The following PLXNA1 variants were observed in gnomAD, a reference collection of about 807,000 sequenced individuals.
The protein encoded by PLXNA1 is plexin A1, also known as plexin-A1.
In PLXNA1, 77 loss-of-function variants were observed where a neutral mutation model predicts 191.7. The observed-to-expected ratio is 0.40, with a 90% CI of 0.33 to 0.49. The LOEUF is 0.49. Ranked by LOEUF, PLXNA1 falls within the 20% of genes least tolerant of loss-of-function variation. The pLI is 0.63. For synonymous variants in PLXNA1, 1,137 were observed against 1,156.4 expected (o/e 0.98, Z 0.34); for missense variants, 2,110 against 2,660.2 (o/e 0.79, Z 4.55).
At chr3:126,985,059 G>A (rs1350041516) in intron 1 of PLXNA1, among the ~76,000 whole-genome samples, 1 of 152,180 alleles carries the variant, frequency 6.6e-6, no homozygotes, top group African/African-American at 2.4e-5. Flanking sequence ...GGGCAGGATG[G>A]CAGCCCCACA....
chr3:127,027,874 G>C (rs780624196), intron 23 of PLXNA1, 66 bp from the exon 24 acceptor site: 1 of 1,603,276 alleles, frequency 6.2e-7, no homozygotes, highest in East Asian at 2.2e-5. Flanking sequence ...CACTCGACGG[G>C]TGGAGGGGCA....
chr3:127,018,327 A>C lies in PLXNA1; in HGVS notation c.3694A>C (p.Thr1232Pro). Residue 1232 changes from threonine (T) to proline (P), a missense_variant, in exon 20 of 32, where the codon ACA becomes CCA. Physicochemically the swap from Thr to Pro is conservative, Grantham distance 38 (BLOSUM62 -1). Around this residue, in one of 4 missense-constraint regions of PLXNA1, gnomAD observed 644 missense variants for 714.3 expected, o/e 0.90. Transcript: ENST00000393409. ...AGGTGGCTTCGAGTTCTCGCCAGGG[A>C]CACTGCAGGTGTACTCGGACAGCCT... The part of the protein sequence containing the change: ...RAGGFEFSPG[T>P]LQVYSDSLLT... 1 of 1,611,758 alleles carries C rather than the reference A, an allele frequency of 6.2e-7. No homozygotes were observed. Among genetic ancestry groups the C allele is most frequent in the Non-Finnish European group, 8.5e-7 (1 of 1,179,436 alleles).
intron 1 of PLXNA1, among the ~76,000 whole-genome samples, chr3:126,988,179 G>C (rs552155197): frequency 1.3e-5 from 2 of 152,276 alleles, no homozygotes; most frequent in East Asian, 3.9e-4. Context: ...TGCTCTCCAG[G>C]TTGGTGTCAG....
chr3:126,985,993 G>A (rs1252876333), intron 1 of PLXNA1, among the ~76,000 whole-genome samples: 4 of 152,254 alleles, frequency 2.6e-5, no homozygotes, highest in Non-Finnish European at 5.9e-5. Flanking sequence ...GCAGTGGGGT[G>A]AGGGTGGAGT....
intron 21 of PLXNA1, among the ~76,000 whole-genome samples, chr3:127,021,574 G>A (rs2079152330): frequency 6.6e-6 from 1 of 152,196 alleles, no homozygotes; most frequent in Non-Finnish European, 1.5e-5. Flanking sequence ...TCCATGAGAT[G>A]CAGAGACTGG....
intron 22 of PLXNA1, 56 bp downstream of exon 22, chr3:127,022,397 A>G: frequency 6.3e-7 from 1 of 1,580,122 alleles, no homozygotes; most frequent in Non-Finnish European, 8.6e-7. Context: ...CCAGCTTTGG[A>G]CAGGTTGGTC....
rs1358456420 is a variant in PLXNA1, at chr3:126,989,070, C to T, written c.477C>T (p.Tyr159=). The change falls in exon 2 of 32, where the codon TAC becomes TAT. Residue 159 remains tyrosine, a synonymous_variant. Coordinates refer to ENST00000393409, the MANE Select transcript of PLXNA1 (RefSeq NM_032242.4). Reference sequence around the variant, plus strand: ...AGCCACACCACCGTAAGGAGCACTACCTGTCCAGCGTGCAGGAGGCAGGCA... The same window carrying T: ...AGCCACACCACCGTAAGGAGCACTATCTGTCCAGCGTGCAGGAGGCAGGCA... ...LGEPHHRKEH[Y]LSSVQEAGSM... is the part of the protein sequence containing the mutation. The T allele has an allele frequency of 1.2e-6, 2 of 1,613,418 alleles. No homozygotes were observed. The highest frequency in any genetic ancestry group is 1.6e-4 in the Middle Eastern group (1 of 6,062).
chr3:127,018,590 C>T lies in PLXNA1; in HGVS notation c.3895+62C>T, dbSNP rs2079137622. The T allele has an allele frequency of 3.8e-6, 5 of 1,299,428 alleles. No individual in the cohort carries two copies. In the African/African-American group the frequency reaches 5.8e-5, roughly 15 times the overall value. 80.5% of individuals were successfully genotyped at this position (1,299,428 alleles called of 1,614,324 possible). The stretch of plus-strand genomic sequence containing the variant: ...CCTCCGAGCCAGGCCCTGGCCTGTC[C>T]CCACACCTACTTCCCACCGCCGCCC... On this transcript the variant is annotated intron_variant, in intron 20 of 31. Coordinates refer to ENST00000393409, the MANE Select transcript of PLXNA1 (RefSeq NM_032242.4).
At chr3:127,023,705 G>A (rs141182948) in intron 23 of PLXNA1, among the ~76,000 whole-genome samples, 153 of 152,372 alleles carry the variant, frequency 1.0e-3, no homozygotes, top group African/African-American at 3.6e-3. Flanking sequence ...GGTGATCAGC[G>A]CACAGATGCC....
chr3:127,007,971 G>A (rs2107628733), intron 9 of PLXNA1, 58 bp downstream of exon 9: 1 of 1,197,816 alleles, frequency 8.3e-7, no homozygotes, highest in East Asian at 2.4e-5. Context: ...ACTGGGTTGA[G>A]ACATCCCATC....
chr3:127,016,503 T>C lies in PLXNA1; in HGVS notation c.3015-14T>C. ...ACCCGTGTGCTCCTCACTGTCCCACTCGGGCACCTCCAGGAGGAACTCCCG... is the reference window on the plus strand; with the variant it reads ...ACCCGTGTGCTCCTCACTGTCCCACCCGGGCACCTCCAGGAGGAACTCCCG... On this transcript the variant is annotated splice_polypyrimidine_tract_variant and intron_variant, in intron 15 of 31. Coordinates refer to ENST00000393409, the MANE Select transcript of PLXNA1 (RefSeq NM_032242.4). 1 of 1,612,984 alleles carries C rather than the reference T, an allele frequency of 6.2e-7. No individual in the cohort carries two copies.
chr3:127,006,025 G>C, intron 7 of PLXNA1, 54 bp from the exon 8 acceptor site: 2 of 1,384,776 alleles, frequency 1.4e-6, no homozygotes, highest in South Asian at 1.2e-5. Flanking sequence ...GACTTGCCCT[G>C]TGTGGGAGTC....
At chr3:127,017,928 G>A in intron 19 of PLXNA1, 36 bp downstream of exon 19, 2 of 1,607,212 alleles carry the variant, frequency 1.2e-6, no homozygotes, top group Non-Finnish European at 1.7e-6. Flanking sequence ...AGCTGGGAGA[G>A]CCATGCCCCA....
At chr3:127,033,754 A>T (rs1307142976) in intron 31 of PLXNA1, among the ~76,000 whole-genome samples, 168 bp from the exon 32 acceptor site, 2 of 152,078 alleles carry the variant, frequency 1.3e-5, no homozygotes, top group Non-Finnish European at 1.5e-5. Context: ...GGCAGGGCTC[A>T]TTCTCCATAT....
intron 3 of PLXNA1, among the ~76,000 whole-genome samples, chr3:126,997,221 A>G (rs2079018731): frequency 6.6e-6 from 1 of 152,206 alleles, no homozygotes; most frequent in African/African-American, 2.4e-5. Context: ...GGCCTGTTGT[A>G]AGCATGGCTG....
chr3:127,029,550 C>T lies in PLXNA1; in HGVS notation c.4870+14C>T. The T allele has an allele frequency of 6.2e-7, 1 of 1,611,828 alleles. No homozygotes were observed. The highest frequency in any genetic ancestry group is 1.3e-5 in the African/African-American group (1 of 75,028). ...TCAGCAGATACGGTGAGGGGCCAGG[C>T]AGCGGGCGAGAGGGCAGCGCATGGG... On this transcript the variant is annotated intron_variant, in intron 27 of 31. Coordinates refer to ENST00000393409, the MANE Select transcript of PLXNA1 (RefSeq NM_032242.4).
chr3:127,023,537 A>G (rs914061242), intron 23 of PLXNA1, among the ~76,000 whole-genome samples: 1 of 152,086 alleles, frequency 6.6e-6, no homozygotes, highest in African/African-American at 2.4e-5. Context: ...TCTGTGGGTG[A>G]GGGTGACTGA....
intron 25 of PLXNA1, chr3:127,028,630 G>A: frequency 3.8e-6 from 2 of 526,038 alleles, no homozygotes; most frequent in Non-Finnish European, 6.8e-6. Context: ...GGCAGGTGGA[G>A]CCATTGAGGG....
intron 5 of PLXNA1, 56 bp from the exon 6 acceptor site, chr3:127,004,829 G>A: frequency 6.4e-7 from 1 of 1,569,576 alleles, no homozygotes; most frequent in South Asian, 1.2e-5. Context: ...GTCCCGCCTG[G>A]CAGGCGGGCC....
Sources: gnomAD v4.1 joint callset for allele counts (sites outside exome capture counted in the v4.1 genomes callset) on GRCh38, gnomAD v4.1.1 for gene constraint, gnomAD v4.1.1 regional missense constraint, MANE v1.5 for transcripts, NCBI Gene and HGNC (gene_info 2026-07-23, HGNC 2026-07-21) for gene names.